CFAP251: variants seen among roughly 807,000 people sequenced by gnomAD.
CFAP251 encodes the protein cilia- and flagella-associated protein 251.
Under a neutral mutation model 126.7 loss-of-function variants are expected in CFAP251, and 93 were observed. That is an observed-to-expected ratio of 0.73 (90% CI 0.62 to 0.87). The LOEUF is 0.87. Ranked by LOEUF, CFAP251 falls within the 40% of genes least tolerant of loss-of-function variation. The probability of loss-of-function intolerance (pLI) is 0.00; values close to 1 mark genes in which losing one functional copy is unlikely to be tolerated. For missense variants in CFAP251, 1,287 were observed against 1,389.2 expected (o/e 0.93, Z 1.17); for synonymous variants, 503 against 506.9 (o/e 0.99, Z 0.10).
intron 15 of CFAP251, among the ~76,000 whole-genome samples, chr12:121,966,166 C>T (rs868457399): frequency 4.4e-5 from 1 of 22,896 alleles, no homozygotes; most frequent in Non-Finnish European, 9.6e-5. Context: ...CCCCTCCCCT[C>T]CCCTTCCCTC....
intron 11 of CFAP251, 145 bp from the exon 12 acceptor site, chr12:121,958,127 G>A (rs1400132428): frequency 1.7e-6 from 2 of 1,205,380 alleles, no homozygotes; most frequent in East Asian, 2.3e-5. Flanking sequence ...TTGGGTATTG[G>A]TGGTATATTT....
At chr12:121,926,427 A>G (rs973206494) in intron 3 of CFAP251, among the ~76,000 whole-genome samples, 9 of 151,872 alleles carry the variant, frequency 5.9e-5, no homozygotes, top group Non-Finnish European at 1.2e-4. Context: ...CCTGGGTTCA[A>G]TGGATCTTCC....
chr12:121,982,207 G>T (rs1169849691), intron 19 of CFAP251, among the ~76,000 whole-genome samples: 2 of 151,768 alleles, frequency 1.3e-5, no homozygotes, highest in Non-Finnish European at 2.9e-5. Context: ...CACTTGTTCA[G>T]GATTTTTTTT....
chr12:121,987,454 C>G (rs1031560549), intron 19 of CFAP251, among the ~76,000 whole-genome samples: 1 of 152,138 alleles, frequency 6.6e-6, no homozygotes, highest in Non-Finnish European at 1.5e-5. Flanking sequence ...GTGGTTCATA[C>G]CCGTAATCCC....
At chr12:121,943,182 A>G (rs2922797) in intron 7 of CFAP251, among the ~76,000 whole-genome samples, 94,282 of 151,696 alleles carry the variant, frequency 0.62, 31,889 homozygotes, top group Non-Finnish European at 0.77. Context: ...GTGTGGTGGC[A>G]CATGCCTATA....
At chr12:121,962,268 A>G (rs1317532594) in intron 15 of CFAP251, 106 bp downstream of exon 15, 10 of 1,025,654 alleles carry the variant, frequency 9.7e-6, no homozygotes, top group Non-Finnish European at 1.4e-5. Context: ...GGCTACTATT[A>G]TCATCCTCTT....
intron 19 of CFAP251, among the ~76,000 whole-genome samples, chr12:121,993,962 G>A (rs1442702058): frequency 1.1e-5 from 1 of 87,026 alleles, no homozygotes; most frequent in African/African-American, 3.6e-5. Flanking sequence ...CACCCCGTCC[G>A]GGAGGGAGGT....
chr12:121,930,472 TGA>T (rs1199185768), intron 3 of CFAP251, among the ~76,000 whole-genome samples: 2 of 137,060 alleles, frequency 1.5e-5, no homozygotes, highest in Non-Finnish European at 3.3e-5. Flanking sequence ...GGCAACAGAG[TGA>T]GACTCTGTTC....
intron 19 of CFAP251, among the ~76,000 whole-genome samples, chr12:121,990,472 G>A (rs983284616): frequency 1.3e-5 from 2 of 152,240 alleles, no homozygotes; most frequent in African/African-American, 4.8e-5. Context: ...GCATGGGCTC[G>A]GGGTGGGCAC....
At chr12:121,983,271 G>A (rs949265832) in intron 19 of CFAP251, among the ~76,000 whole-genome samples, 3 of 151,896 alleles carry the variant, frequency 2.0e-5, no homozygotes, top group East Asian at 3.9e-4. Context: ...GTGTGCAACC[G>A]GAGTCCCAGC....
intron 20 of CFAP251, among the ~76,000 whole-genome samples, chr12:122,000,599 G>A (rs1207975408): frequency 6.6e-6 from 1 of 151,534 alleles, no homozygotes; most frequent in Non-Finnish European, 1.5e-5. Context: ...CAAATATTTG[G>A]ATTGCATTTG....
intron 13 of CFAP251, chr12:121,959,450 A>C: frequency 5.7e-6 from 1 of 174,776 alleles, no homozygotes; most frequent in Non-Finnish European, 1.2e-5. Flanking sequence ...TCTTCGCTAA[A>C]CTCCTGTCCC....
chr12:121,924,932 C>G (rs1247667464), intron 3 of CFAP251, among the ~76,000 whole-genome samples: 1 of 151,980 alleles, frequency 6.6e-6, no homozygotes, highest in Non-Finnish European at 1.5e-5. Context: ...TCCTCCTCCC[C>G]CTTTCCTTCC....
intron 5 of CFAP251, among the ~76,000 whole-genome samples, chr12:121,941,437 G>A (rs538001087): frequency 4.1e-5 from 6 of 146,898 alleles, no homozygotes; most frequent in East Asian, 4.1e-4. Flanking sequence ...GGACTCAAGC[G>A]ATACTCCCAC....
Position 122,001,545 on chromosome 12 carries a change from T to C in CFAP251, c.3284T>C (p.Phe1095Ser), listed in dbSNP as rs145120027. Residue 1095 changes from phenylalanine (F) to serine (S), a missense_variant, in exon 21 of 22, where the codon TTT becomes TCT. Phe to Ser is a radical substitution (Grantham distance 155). Transcript: ENST00000288912. ...EEMLDCFASL[F>S]GLNPEGWKSE... ...ATGTTGGATTGCTTTGCTTCACTGT[T>C]TGGCCTGAATCCCGAGGGATGGAAA... The C allele has an allele frequency of 9.0e-4, 1,451 of 1,614,156 alleles. 3 individuals are homozygous for C. Among genetic ancestry groups the C allele is most frequent in the Non-Finnish European group, 1.0e-3 (1,208 of 1,180,026 alleles).
chr12:122,000,073 C>T, intron 20 of CFAP251, 129 bp downstream of exon 20: 1 of 853,504 alleles, frequency 1.2e-6, no homozygotes, highest in African/African-American at 1.7e-5. Flanking sequence ...AGATTTGAGC[C>T]ATGAGGGGTC....
At chr12:121,955,636 A>G (rs1881702518) in intron 10 of CFAP251, 1 of 152,194 alleles carries the variant, frequency 6.6e-6, no homozygotes, top group South Asian at 2.1e-4. Context: ...ATATGGTTAG[A>G]GTCACTGGGC....
intron 19 of CFAP251, among the ~76,000 whole-genome samples, chr12:121,978,323 G>A (rs1373798818): frequency 7.0e-6 from 1 of 142,762 alleles, no homozygotes; most frequent in African/African-American, 2.7e-5. Flanking sequence ...GAACCCGGGA[G>A]GCGGAGCTTA....
rs1881899970 is a variant in CFAP251, at chr12:121,960,631, GAC to G, written c.2182_2183del (p.Gln728GlufsTer29). On this transcript the variant is annotated frameshift_variant, in exon 14 of 22. Transcript: ENST00000288912. LOFTEE classifies it high-confidence loss of function. ...GTTTACATGCTGGTGGTCAGAAATG[GAC>G]AGAGGGTCTGGGAGTACTTAGCAAG... The G allele has an allele frequency of 6.2e-7, 1 of 1,614,026 alleles. No individual in the cohort carries two copies. Among genetic ancestry groups the G allele is most frequent in the African/African-American group, 1.3e-5 (1 of 74,932 alleles).
Sources: gnomAD v4.1 joint callset for allele counts (sites outside exome capture counted in the v4.1 genomes callset) on GRCh38, gnomAD v4.1.1 for gene constraint, MANE v1.5 for transcripts, NCBI Gene and HGNC (gene_info 2026-07-23, HGNC 2026-07-21) for gene names.